The following JAG2 variants were observed in gnomAD, a reference collection of about 807,000 sequenced individuals.
JAG2 encodes protein jagged-2.
In JAG2, 46 loss-of-function variants were observed where a neutral mutation model predicts 141.7. The ratio of observed to expected loss-of-function variants is 0.32; its 90% CI spans 0.26 to 0.42. The LOEUF (loss-of-function observed/expected upper bound fraction) is 0.42, where lower values mean the gene tolerates loss of function less well. Among genes scored for constraint, JAG2 ranks in the 10% least tolerant of loss-of-function variants. The pLI is 1.00. For missense variants in JAG2, 1,500 were observed against 1,817.5 expected, an observed-to-expected ratio of 0.83 and a Z score of 3.18; for synonymous variants, 862 against 763.5, an observed-to-expected ratio of 1.13 and a Z score of -2.13.
Position 105,141,237 on chromosome 14 carries a change from C to T in JAG2, c.*1458G>A, listed in dbSNP as rs1187554046. Reference sequence around the variant, plus strand: ...AGCCCTGAGGCCACCATGCCACGTTCCAGTTGGCTCAAGCAGTGAGGGGCA... The same window carrying T: ...AGCCCTGAGGCCACCATGCCACGTTTCAGTTGGCTCAAGCAGTGAGGGGCA... On this transcript the variant is annotated 3_prime_UTR_variant, in exon 26 of 26. Coordinates refer to ENST00000331782, the MANE Select transcript of JAG2 (RefSeq NM_002226.5). 6.6e-6 allele frequency: 1 copy of T among 152,186 alleles called. No homozygotes were observed. Among genetic ancestry groups the T allele is most frequent in the Non-Finnish European group, 1.5e-5 (1 of 68,024 alleles). The allele number at this position is 152,186 out of a possible 1,614,324, so 9.4% of individuals were successfully genotyped here. A position where few individuals can be genotyped will look rare whatever the true frequency, so the allele number is the denominator to read the frequency against.
chr14:105,149,837 TAAGGGGAGGGGG>T (rs1888359913), intron 12 of JAG2, among the ~76,000 whole-genome samples: 1 of 77,490 alleles, frequency 1.3e-5, no homozygotes, highest in Non-Finnish European at 2.6e-5. Context: ...AAAGGGGAAG[TAAGGGGAGGGGG>T]TGGTAGGGAG....
chr14:105,150,628 C>G lies in JAG2; in HGVS notation c.1578G>C (p.Gln526His). 6.5e-7 allele frequency: 1 copy of G among 1,549,484 alleles called. No individual in the cohort carries two copies. The highest frequency in any genetic ancestry group is 8.7e-7 in the Non-Finnish European group (1 of 1,146,544). ...LADGFHCHCP[Q>H]GFSGPLCEVD... ...CCTCACAGAGAGGCCCGGAGAAGCC[C>G]TGGGGGCAGTGGCAGTGGAAGCCGT... The change falls in exon 12 of 26, where the codon CAG becomes CAC. Residue 526 changes from glutamine (Q) to histidine (H), a missense_variant. This residue lies in a region of JAG2 where 875 missense variants were observed against 1,202.2 expected (regional missense o/e 0.73). Coordinates refer to ENST00000331782, the MANE Select transcript of JAG2 (RefSeq NM_002226.5).
At chr14:105,158,752 G>A (rs1422628213) in intron 2 of JAG2, among the ~76,000 whole-genome samples, 1 of 152,054 alleles carries the variant, frequency 6.6e-6, no homozygotes, top group Non-Finnish European at 1.5e-5. Context: ...CCTTCCAGGT[G>A]GGGCCCAGAG....
chr14:105,143,915 G>A (rs1209515187), intron 24 of JAG2, among the ~76,000 whole-genome samples: 3 of 150,972 alleles, frequency 2.0e-5, no homozygotes, highest in East Asian at 2.0e-4. Flanking sequence ...GTGGGGGGAA[G>A]GGGAGGGGTG....
intron 5 of JAG2, among the ~76,000 whole-genome samples, chr14:105,153,619 G>A (rs911674893): frequency 9.9e-5 from 15 of 152,156 alleles, no homozygotes; most frequent in Non-Finnish European, 2.2e-4. Flanking sequence ...ATCCGGTGGG[G>A]GGGCGTCCTG....
Position 105,151,380 on chromosome 14 carries a change from A to G in JAG2, c.1170T>C (p.Ala390=), listed in dbSNP as rs768475678. 1.8e-5 allele frequency: 29 copies of G among 1,611,280 alleles called. No individual in the cohort carries two copies. The highest frequency in any genetic ancestry group is 2.3e-5 in the Non-Finnish European group (27 of 1,179,936). ...PTCALDIDEC[A]SNPCAAGGTC... The stretch of plus-strand genomic sequence containing the variant: ...TGCCACCGGCCGCACACGGGTTCGA[A>G]GCACACTCATCGATGTCTGCAGAGG... Residue 390 remains alanine, a synonymous_variant, in exon 9 of 26, where the codon GCT becomes GCC. Transcript: ENST00000331782.
chr14:105,165,197 C>T (rs901426523), intron 2 of JAG2, among the ~76,000 whole-genome samples: 23 of 152,264 alleles, frequency 1.5e-4, no homozygotes, highest in Non-Finnish European at 3.2e-4. Flanking sequence ...CCAACTGCCA[C>T]CACCCTGCTC....
At position 105,168,376 on chromosome 14, in the gene JAG2, C is replaced by T; in HGVS notation, c.45G>A (p.Leu15=). 9.7e-7 allele frequency: 1 copy of T among 1,031,186 alleles called. No individual in the cohort carries two copies. Among genetic ancestry groups the T allele is most frequent in the Non-Finnish European group, 1.2e-6 (1 of 837,912 alleles). The allele number at this position is 1,031,186 out of a possible 1,614,324, so 63.9% of individuals were successfully genotyped here. ...TCACCTGCACCCAGAGCGCCAGCAG[C>T]AGCAGCAGCCGCCGGGGAAGGCGCC... is the stretch of plus-strand genomic sequence containing the variant. ...GRGRLPRRLL[L]LLALWVQAAR... The change falls in exon 1 of 26, where the codon CTG becomes CTA. Residue 15 remains leucine (L), a synonymous_variant. Transcript: ENST00000331782.
In JAG2 at chr14:105,168,393, GA is replaced by G. The variant is rs1228616597; in HGVS notation, c.27del (p.Arg11GlyfsTer24). ...GCCAGCAGCAGCAGCAGCCGCCGGG[GA>G]AGGCGCCCCCGGCCCTGCGCCCGCA... MRAQGRGR[L>X]PRRLLLLLAL... On this transcript the variant is annotated frameshift_variant, in exon 1 of 26. Transcript: ENST00000331782. LOFTEE classifies it high-confidence loss of function. 3 of 1,028,732 alleles carry G rather than the reference GA, an allele frequency of 2.9e-6. No homozygotes were observed. Among genetic ancestry groups the G allele is most frequent in the Admixed American group, 4.1e-5 (1 of 24,682 alleles). The allele number at this position is 1,028,732 out of a possible 1,614,324, so 63.7% of individuals were successfully genotyped here.
chr14:105,148,240 A>G lies in JAG2; in HGVS notation c.2135-11T>C. 1 of 1,565,688 alleles carries G rather than the reference A, an allele frequency of 6.4e-7. No homozygotes were observed. Among genetic ancestry groups the G allele is most frequent in the Non-Finnish European group, 8.7e-7 (1 of 1,155,488 alleles). ...CGCACTGGAACTCGCCTGTTGGCAC[A>G]TGGGCCGCTCAGCAGGCAGGCCCCA... On this transcript the variant is annotated splice_polypyrimidine_tract_variant and intron_variant, in intron 16 of 25. Transcript: ENST00000331782.
chr14:105,150,228 GACA>G (rs1274499946), intron 12 of JAG2, among the ~76,000 whole-genome samples: 1 of 151,940 alleles, frequency 6.6e-6, no homozygotes, highest in East Asian at 1.9e-4. Flanking sequence ...ACTCACCTAT[GACA>G]GGTGTATACC....
rs781297936 is a variant in JAG2 at position 105,144,994 on chromosome 14, T to C, written c.3020A>G (p.Asp1007Gly). 2.5e-6 allele frequency: 4 copies of C among 1,609,282 alleles called. No individual in the cohort carries two copies. The highest frequency in any genetic ancestry group is 3.4e-6 in the Non-Finnish European group (4 of 1,179,704). The change falls in exon 24 of 26, where the codon GAC becomes GGC. Residue 1007 changes from aspartate (D) to glycine (G), a missense_variant. This residue lies in a region of JAG2 where 425 missense variants were observed against 441.0 expected (regional missense o/e 0.96). Transcript: ENST00000331782. ...GTCGCAAAGCAACACCAGCAGGCGG[T>C]CCCGTGCCACAGCCCTTGTGGCTGG... is the stretch of plus-strand genomic sequence containing the variant. ...SLPATRAVARDRLLVLLCDRA... is the reference protein window; with the variant it reads ...SLPATRAVARGRLLVLLCDRA...
Position 105,150,868 on chromosome 14 carries a change from G to T in JAG2, c.1425C>A (p.Cys475Ter). 1 of 1,587,130 alleles carries T rather than the reference G, an allele frequency of 6.3e-7. No individual in the cohort carries two copies. The highest frequency in any genetic ancestry group is 1.3e-5 in the African/African-American group (1 of 74,352). Residue 475 changes from cysteine (C) to a stop codon, truncating the protein, a stop_gained, in exon 11 of 26, where the codon TGC (cysteine) becomes TGA (stop). Coordinates refer to ENST00000331782, the MANE Select transcript of JAG2 (RefSeq NM_002226.5). LOFTEE classifies it high-confidence loss of function. Reference sequence around the variant, plus strand: ...CACCCTCCTGGCCCCGCCTCACCTTGCAGGTGCCCCCATGCTGACACTGCC... The same window carrying T: ...CACCCTCCTGGCCCCGCCTCACCTTTCAGGTGCCCCCATGCTGACACTGCC... Reference protein sequence around the residue: ...CRGQCQHGGTCKDLVNGYQCV... With the variant: ...CRGQCQHGGT
rs1232372334 is a variant in JAG2, at chr14:105,148,938, C to G, written c.1905G>C (p.Glu635Asp). The G allele has an allele frequency of 6.2e-7, 1 of 1,605,702 alleles. No individual in the cohort carries two copies. Among genetic ancestry groups the G allele is most frequent in the Non-Finnish European group, 8.5e-7 (1 of 1,176,902 alleles). ...DSGFTGTYCHENIDDCLGQPC... is the reference protein window; with the variant it reads ...DSGFTGTYCHDNIDDCLGQPC... Reference sequence around the variant, plus strand: ...AGCCCGCCGTTCGTGGCCACTCACTCTCATGGCAGTAGGTGCCAGTAAAGC... The same window carrying G: ...AGCCCGCCGTTCGTGGCCACTCACTGTCATGGCAGTAGGTGCCAGTAAAGC... Residue 635 changes from glutamate (E) to aspartate (D), a missense_variant and splice_region_variant, in exon 14 of 26, where the codon GAG becomes GAC. By Grantham distance (45) the Glu-to-Asp change is conservative (BLOSUM62 2). Coordinates refer to ENST00000331782, the MANE Select transcript of JAG2 (RefSeq NM_002226.5).
chr14:105,147,859 A>G lies in JAG2; in HGVS notation c.2278T>C (p.Cys760Arg). Residue 760 changes from cysteine (C) to arginine (R), a missense_variant, in exon 18 of 26, where the codon TGT becomes CGT. Coordinates refer to ENST00000331782, the MANE Select transcript of JAG2 (RefSeq NM_002226.5). ...CCCACGCAGGTGCCACCATTCACAC[A>G]GGGGTTGGGCAGGCAGCTGCTGTTC... ...AKNSSCLPNP[C>R]VNGGTCVGSG... is the part of the protein sequence containing the mutation. 6.4e-7 allele frequency: 1 copy of G among 1,552,984 alleles called. No individual in the cohort carries two copies. Among genetic ancestry groups the G allele is most frequent in the Non-Finnish European group, 8.7e-7 (1 of 1,149,800 alleles).
Position 105,167,858 on chromosome 14 carries a change from G to T in JAG2, c.316C>A (p.Pro106Thr), listed in dbSNP as rs952412444. 9 of 1,541,586 alleles carry T rather than the reference G, an allele frequency of 5.8e-6. No homozygotes were observed. Among genetic ancestry groups the T allele is most frequent in the African/African-American group, 1.4e-5 (1 of 69,734 alleles). The change falls in exon 2 of 26, where the codon CCG becomes ACG. Residue 106 changes from proline (P) to threonine (T), a missense_variant. Coordinates refer to ENST00000331782, the MANE Select transcript of JAG2 (RefSeq NM_002226.5). This position sits in a 1 kb window ranked among gnomAD's most constrained non-coding sequence, Gnocchi z 4.8. ...CGGTCCCCCGCAGCGCCCGCCGGCG[G>T]CAGGTAGAAGGAGTTGCCGCCCAGC... ...PVLGGNSFYL[P>T]PAGAAGDRAR...
rs587665962 is a variant in JAG2 at position 105,154,295 on chromosome 14, G to A, written c.788+1267C>T. On this transcript the variant is annotated intron_variant, in intron 5 of 25. Transcript: ENST00000331782. The surrounding 1 kb of genome is among the most constrained non-coding windows in gnomAD (Gnocchi z 4.4). The stretch of plus-strand genomic sequence containing the variant: ...CACAGAGGGAGGTCCTGGGACCCCT[G>A]CAATCCAAGGCTGGCTGGAGGGCGG... Among the ~76,000 whole-genome samples, 47 of 152,318 alleles carry A rather than the reference G, an allele frequency of 3.1e-4. No individual in the cohort carries two copies. Among genetic ancestry groups the A allele is most frequent in the Non-Finnish European group, 3.4e-4 (23 of 68,016 alleles).
Position 105,168,464 on chromosome 14 carries a change from G to A in JAG2, c.-44C>T, listed in dbSNP as rs1222892720. ...GCCCGGCCCCGCCGCCGCCGCCCGC[G>A]CCCGGCTCCCAGCCGCCGCGCCGGC... On this transcript the variant is annotated 5_prime_UTR_variant, in exon 1 of 26. Coordinates refer to ENST00000331782, the MANE Select transcript of JAG2 (RefSeq NM_002226.5). 3.6e-6 allele frequency: 2 copies of A among 560,766 alleles called. No individual in the cohort carries two copies. The highest frequency in any genetic ancestry group is 4.5e-6 in the Non-Finnish European group (2 of 444,954). The allele number at this position is 560,766 out of a possible 1,614,324, so 34.7% of individuals were successfully genotyped here.
rs993410147 is a variant in JAG2 at position 105,154,866 on chromosome 14, G to A, written c.788+696C>T. On this transcript the variant is annotated intron_variant, in intron 5 of 25. Coordinates refer to ENST00000331782, the MANE Select transcript of JAG2 (RefSeq NM_002226.5). This position sits in a 1 kb window ranked among gnomAD's most constrained non-coding sequence, Gnocchi z 4.4. ...TGGCTCTGCTACTCAGCAGCTTGGGGTTCTCCCTGACTCCACACCCTTCCT... is the reference window on the plus strand; with the variant it reads ...TGGCTCTGCTACTCAGCAGCTTGGGATTCTCCCTGACTCCACACCCTTCCT... Among the ~76,000 whole-genome samples the A allele has an allele frequency of 1.3e-5, 2 of 151,846 alleles. No individual in the cohort carries two copies. Among genetic ancestry groups the A allele is most frequent in the African/African-American group, 4.8e-5 (2 of 41,320 alleles).
Sources: allele counts gnomAD v4.1 joint callset (sites outside exome capture counted in the v4.1 genomes callset), GRCh38; gene constraint gnomAD v4.1.1; regional missense constraint gnomAD v4.1.1; non-coding constraint Gnocchi (gnomAD v3.1); transcripts MANE v1.5; gene names NCBI Gene and HGNC (gene_info 2026-07-23, HGNC 2026-07-21).